The following ERAP2 variants were observed in gnomAD, a reference collection of about 807,000 sequenced individuals.
The protein encoded by ERAP2 is leukocyte-derived arginine aminopeptidase.
In ERAP2, 118 loss-of-function variants were observed where a neutral mutation model predicts 111.1. That is an observed-to-expected ratio of 1.06 (90% CI 0.92 to 1.24). The LOEUF (loss-of-function observed/expected upper bound fraction) is 1.24. Ranked by LOEUF, ERAP2 falls within the 50% of genes most tolerant of loss-of-function variation. ERAP2 has a pLI of 0.00. For missense variants in ERAP2, 1,131 were observed against 1,125.8 expected (o/e 1.00, Z -0.07); for synonymous variants, 410 against 401.2 (o/e 1.02, Z -0.26).
intron 13 of ERAP2, among the ~76,000 whole-genome samples, chr5:96,906,595 A>G (rs1786111839): frequency 6.6e-6 from 1 of 152,186 alleles, no homozygotes; most frequent in Non-Finnish European, 1.5e-5. Flanking sequence ...GCAAGAATTG[A>G]TATTTATTTT....
chr5:96,892,409 A>T lies in ERAP2; in HGVS notation c.1081A>T (p.Lys361Ter). The change falls in exon 6 of 19, where the codon AAA becomes TAA. Residue 361 changes from lysine (K) to a stop codon, truncating the protein, a stop_gained. Transcript: ENST00000437043. LOFTEE classifies it high-confidence loss of function. ...CCCCAAGACCTCTTCTGCTTCCGATAAACTGTGGGTCACCAGAGTCATAGC... is the reference window on the plus strand; with the variant it reads ...CCCCAAGACCTCTTCTGCTTCCGATTAACTGTGGGTCACCAGAGTCATAGC... The part of the protein sequence containing the change: ...FDPKTSSASD[K>*]LWVTRVIAHE... The T allele has an allele frequency of 1.9e-6, 3 of 1,614,020 alleles. No homozygotes were observed. The highest frequency in any genetic ancestry group is 2.5e-6 in the Non-Finnish European group (3 of 1,179,918).
At chr5:96,889,509 C>G (rs888319100) in intron 5 of ERAP2, 2 of 705,934 alleles carry the variant, frequency 2.8e-6, no homozygotes, top group African/African-American at 1.8e-5. Context: ...GATCATTTCT[C>G]TATTCTTTTA....
rs976154575 is a variant in ERAP2, at chr5:96,892,326, C to A, written c.998C>A (p.Pro333His). Residue 333 changes from proline to histidine, a missense_variant, in exon 6 of 19, where the codon CCT becomes CAT. Coordinates refer to ENST00000437043, the MANE Select transcript of ERAP2 (RefSeq NM_022350.5). ...TTAATTGCTATTCCTGACTTTGCAC[C>A]TGGAGCCATGGAAAATTGGGGCCTC... ...LDLIAIPDFAPGAMENWGLIT... is the reference protein window; with the variant it reads ...LDLIAIPDFAHGAMENWGLIT... 1.2e-6 allele frequency: 2 copies of A among 1,613,696 alleles called. No homozygotes were observed. Among genetic ancestry groups the A allele is most frequent in the African/African-American group, 2.7e-5 (2 of 74,868 alleles).
At chr5:96,901,294 T>C (rs1354651043) in intron 10 of ERAP2, among the ~76,000 whole-genome samples, 1 of 152,152 alleles carries the variant, frequency 6.6e-6, no homozygotes, top group Non-Finnish European at 1.5e-5. Context: ...CTATATCCTG[T>C]ATATATCCCT....
chr5:96,891,757 A>G (rs1273239774), intron 5 of ERAP2, among the ~76,000 whole-genome samples: 1 of 152,092 alleles, frequency 6.6e-6, no homozygotes, highest in African/African-American at 2.4e-5. Context: ...TCTTAGAAGA[A>G]CATGTGCTCA....
Position 96,909,619 on chromosome 5 carries a change from CA to C in ERAP2, c.2212del (p.Ser738AlafsTer18), listed in dbSNP as rs1786483975. 6.2e-7 allele frequency: 1 copy of C among 1,614,036 alleles called. No homozygotes were observed. Among genetic ancestry groups the C allele is most frequent in the Admixed American group, 1.7e-5 (1 of 59,992 alleles). On this transcript the variant is annotated frameshift_variant, in exon 15 of 19. Transcript: ENST00000437043. LOFTEE classifies it high-confidence loss of function. ...LQYFKPVIDR[Q>X]SWSDKGSVWD... ...GTATTTTAAGCCAGTGATTGACAGG[CA>C]AAGCTGGAGTGACAAGGGCTCAGTC...
At chr5:96,887,927 A>G (rs1475173107) in intron 4 of ERAP2, among the ~76,000 whole-genome samples, 1 of 152,060 alleles carries the variant, frequency 6.6e-6, no homozygotes, top group East Asian at 1.9e-4. Flanking sequence ...GGAGTTTGAG[A>G]CCAGCCTGGC....
chr5:96,908,919 A>G (rs753084268), intron 13 of ERAP2, 42 bp from the exon 14 acceptor site: 4 of 1,561,756 alleles, frequency 2.6e-6, no homozygotes, highest in Non-Finnish European at 2.6e-6. Context: ...ATTAAAAACT[A>G]TAAGATATGC....
In ERAP2 at chr5:96,879,830, G is replaced by T. The variant is rs1156453005; in HGVS notation, c.145G>T (p.Asp49Tyr). ...SVPSSYHFTE[D>Y]PGAFPVATNG... is the part of the protein sequence containing the mutation. Reference sequence around the variant, plus strand: ...GCCATCTAGTTATCACTTCACTGAGGATCCTGGGGCTTTCCCAGTAGCCAC... The same window carrying T: ...GCCATCTAGTTATCACTTCACTGAGTATCCTGGGGCTTTCCCAGTAGCCAC... Residue 49 changes from aspartate to tyrosine, a missense_variant, in exon 2 of 19, where the codon GAT becomes TAT. This residue lies in a region of ERAP2 where 847 missense variants were observed against 856.5 expected (regional missense o/e 0.99). Coordinates refer to ENST00000437043, the MANE Select transcript of ERAP2 (RefSeq NM_022350.5). 3 of 1,614,086 alleles carry T rather than the reference G, an allele frequency of 1.9e-6. No individual in the cohort carries two copies. Among genetic ancestry groups the T allele is most frequent in the African/African-American group, 1.3e-5 (1 of 75,018 alleles).
In ERAP2 at chr5:96,912,690, C is replaced by A. The variant is rs1392079698; in HGVS notation, c.2408C>A (p.Ala803Glu). The A allele has an allele frequency of 8.1e-6, 13 of 1,610,100 alleles. No individual in the cohort carries two copies. The highest frequency in any genetic ancestry group is 1.3e-5 in the African/African-American group (1 of 74,592). The stretch of plus-strand genomic sequence containing the variant: ...TATTCTGTGGGTGCTCAGACAACAG[C>A]AGGATGGAATTACCTTTTAGAGCAA... ...IVYSVGAQTT[A>E]GWNYLLEQYE... is the part of the protein sequence containing the mutation. Residue 803 changes from alanine (A) to glutamate (E), a missense_variant, in exon 16 of 19, where the codon GCA becomes GAA. Ala to Glu is a moderately radical substitution (Grantham distance 107, BLOSUM62 -1). Transcript: ENST00000437043.
chr5:96,902,552 C>A, intron 12 of ERAP2, 199 bp downstream of exon 12: 1 of 489,096 alleles, frequency 2.0e-6, no homozygotes, highest in Non-Finnish European at 3.7e-6. Flanking sequence ...AGTTCTCTTG[C>A]GCTTTTATCA....
intron 5 of ERAP2, among the ~76,000 whole-genome samples, chr5:96,891,255 A>G (rs1784317865): frequency 6.6e-6 from 1 of 151,930 alleles, no homozygotes; most frequent in African/African-American, 2.4e-5. Flanking sequence ...GCAGAACTCA[A>G]AGACTAAATA....
chr5:96,889,126 G>C, intron 4 of ERAP2, 59 bp from the exon 5 acceptor site: 5 of 1,603,720 alleles, frequency 3.1e-6, no homozygotes, highest in Non-Finnish European at 4.3e-6. Context: ...GGGTTATCAG[G>C]AATGGAATTA....
At chr5:96,900,957 G>A (rs1278200760) in intron 10 of ERAP2, among the ~76,000 whole-genome samples, 3 of 152,094 alleles carry the variant, frequency 2.0e-5, no homozygotes, top group African/African-American at 7.2e-5. Context: ...GATCCACGGC[G>A]CCTGGCCCTA....
Position 96,901,485 on chromosome 5 carries a change from CAT to C in ERAP2, c.1573-19_1573-18del, listed in dbSNP as rs1166358785. 2 of 1,610,874 alleles carry C rather than the reference CAT, an allele frequency of 1.2e-6. No homozygotes were observed. Among genetic ancestry groups the C allele is most frequent in the East Asian group, 4.5e-5 (2 of 44,844 alleles). The stretch of plus-strand genomic sequence containing the variant: ...GATTGTCTCCTCTCTCTTGAGTTAT[CAT>C]AGTCACCTGTCATTTCAGCTCGCCT... On this transcript the variant is annotated intron_variant, in intron 10 of 18. Coordinates refer to ENST00000437043, the MANE Select transcript of ERAP2 (RefSeq NM_022350.5).
chr5:96,918,719 G>A lies in ERAP2; in HGVS notation c.*1114G>A, dbSNP rs777960868. 6 of 152,072 alleles carry A rather than the reference G, an allele frequency of 3.9e-5. No individual in the cohort carries two copies. The highest frequency in any genetic ancestry group is 2.4e-5 in the African/African-American group (1 of 41,384). The allele number at this position is 152,072 out of a possible 1,614,324, so 9.4% of individuals were successfully genotyped here. A position where few individuals can be genotyped will look rare whatever the true frequency, so the allele number is the denominator to read the frequency against. The stretch of plus-strand genomic sequence containing the variant: ...TCTGCCCTCACAGAGACACAAGAAA[G>A]GAATATAATTCATACACTATTGCAT... On this transcript the variant is annotated 3_prime_UTR_variant, in exon 19 of 19. Coordinates refer to ENST00000437043, the MANE Select transcript of ERAP2 (RefSeq NM_022350.5).
intron 6 of ERAP2, 152 bp downstream of exon 6, chr5:96,892,605 G>A (rs1581834501): frequency 1.2e-6 from 1 of 826,202 alleles, no homozygotes; most frequent in Non-Finnish European, 1.8e-6. Context: ...AAGTAGCACA[G>A]TACTCAGTCT....
intron 2 of ERAP2, among the ~76,000 whole-genome samples, chr5:96,880,674 A>G (rs1783030254): frequency 6.6e-6 from 1 of 150,850 alleles, no homozygotes. Flanking sequence ...GGTAACAGCC[A>G]TGACTCATAT....
intron 9 of ERAP2, among the ~76,000 whole-genome samples, chr5:96,898,526 G>A (rs1399027075): frequency 6.8e-6 from 1 of 148,072 alleles, no homozygotes. Context: ...CAAATTGCCT[G>A]AGGTCAGTCT....
Sources: allele counts gnomAD v4.1 joint callset (sites outside exome capture counted in the v4.1 genomes callset), GRCh38; gene constraint gnomAD v4.1.1; regional missense constraint gnomAD v4.1.1; transcripts MANE v1.5; gene names NCBI Gene and HGNC (gene_info 2026-07-23, HGNC 2026-07-21).